The following GPI variants were observed in gnomAD, a reference collection of about 807,000 sequenced individuals.
The protein encoded by GPI is D-hexose-6-phosphate anomerase.
Under a neutral mutation model 75.8 loss-of-function variants are expected in GPI, and 56 were observed. The observed-to-expected ratio is 0.74, with a 90% CI of 0.60 to 0.92. The LOEUF (loss-of-function observed/expected upper bound fraction) is 0.92, where lower values mean the gene tolerates loss of function less well. GPI is among the 40% of genes least tolerant of loss of function. The probability of loss-of-function intolerance (pLI) is 0.00; values close to 1 mark genes in which losing one functional copy is unlikely to be tolerated. For synonymous variants in GPI, 288 were observed against 285.4 expected (o/e 1.01, Z -0.09); for missense variants, 638 against 741.0 (o/e 0.86, Z 1.61).
At position 34,377,340 on chromosome 19, in the gene GPI, T is replaced by A. The variant is rs1378091501; in HGVS notation, c.403-163T>A. Among the ~76,000 whole-genome samples, 130 of 69,858 alleles carry A rather than the reference T, an allele frequency of 1.9e-3. 2 individuals are homozygous for A. The highest frequency in any genetic ancestry group is 2.4e-3 in the Non-Finnish European group (95 of 38,778). The allele number at this position is 69,858 out of a possible 152,430, so 45.8% of individuals were successfully genotyped here. On this transcript the variant is annotated intron_variant, in intron 4 of 17. Transcript: ENST00000356487. ...AAAAAAAAAAAAAAAAAAAAAAATATATATATATATATATATATGGTAAAT... is the reference window on the plus strand; with the variant it reads ...AAAAAAAAAAAAAAAAAAAAAAATAAATATATATATATATATATGGTAAAT...
intron 14 of GPI, chr19:34,397,599 G>A (rs1479026103): frequency 2.0e-5 from 3 of 151,932 alleles, no homozygotes; most frequent in Non-Finnish European, 2.9e-5. Flanking sequence ...TCCTGCCTCG[G>A]CCCCTCAAAT....
rs2074372486 is a variant in GPI, at chr19:34,366,778, C to T, written c.214-5C>T. The T allele has an allele frequency of 3.1e-6, 5 of 1,611,352 alleles. No individual in the cohort carries two copies. The highest frequency in any genetic ancestry group is 1.1e-5 in the South Asian group (1 of 91,020). ...GGACCAGGCCTCAGTATCGTCTCTT[C>T]CTAGGCCAAGTCCAGGGGCGTGGAG... is the stretch of plus-strand genomic sequence containing the variant. On this transcript the variant is annotated splice_region_variant and splice_polypyrimidine_tract_variant and intron_variant, in intron 2 of 17. Transcript: ENST00000356487.
At chr19:34,380,982 A>C (rs1482899975) in intron 8 of GPI, 1 of 276,490 alleles carries the variant, frequency 3.6e-6, no homozygotes, top group East Asian at 9.0e-5. Flanking sequence ...ATGGCTCCTC[A>C]GAGCTTCCTG....
intron 4 of GPI, among the ~76,000 whole-genome samples, chr19:34,374,130 CTTTTTT>C (rs749828679): frequency 7.0e-5 from 8 of 114,132 alleles, no homozygotes; most frequent in East Asian, 3.0e-4. Flanking sequence ...CCATGCCCGC[CTTTTTT>C]TTTTTTTTTT....
chr19:34,363,228 C>A (rs1167655006), upstream of GPI: 2 of 152,204 alleles, frequency 1.3e-5, no homozygotes, highest in Non-Finnish European at 2.9e-5. Flanking sequence ...ATCGCTTGAG[C>A]CTGGGAGGCA....
chr19:34,395,412 G>A (rs935572863), intron 12 of GPI, among the ~76,000 whole-genome samples: 1 of 152,026 alleles, frequency 6.6e-6, no homozygotes, highest in African/African-American at 2.4e-5. Context: ...ATGGTGGTGC[G>A]GCACCTATAG....
At chr19:34,397,471 C>T (rs2074962368) in intron 14 of GPI, 1 of 152,290 alleles carries the variant, frequency 6.6e-6, no homozygotes, top group African/African-American at 2.4e-5. Context: ...TTACCTTCCT[C>T]TTCTACATTT....
At chr19:34,365,011 G>T, upstream of GPI, 1 of 1,533,096 alleles carries the variant, frequency 6.5e-7, no homozygotes. Flanking sequence ...CAAAGCGGCG[G>T]CGCAAGAGGT....
At chr19:34,370,744 A>G (rs1047232809) in intron 4 of GPI, among the ~76,000 whole-genome samples, 3 of 151,824 alleles carry the variant, frequency 2.0e-5, no homozygotes, top group African/African-American at 7.3e-5. Context: ...AAACCAACAA[A>G]AAAACCAACC....
chr19:34,393,481 G>C lies in GPI; in HGVS notation c.865+173G>C, dbSNP rs1209323146. On this transcript the variant is annotated intron_variant, in intron 10 of 17. Coordinates refer to ENST00000356487, the MANE Select transcript of GPI (RefSeq NM_000175.5). The surrounding 1 kb of genome is among the most constrained non-coding windows in gnomAD (Gnocchi z 4.4). ...AGAAGGAAGGTCTGGGTTTTTTTGCGTGTGCAAGTTGGCCCCCGTCTTTGC... is the reference window on the plus strand; with the variant it reads ...AGAAGGAAGGTCTGGGTTTTTTTGCCTGTGCAAGTTGGCCCCCGTCTTTGC... The C allele has an allele frequency of 1.1e-5, 8 of 746,594 alleles. No individual in the cohort carries two copies. The highest frequency in any genetic ancestry group is 3.0e-5 in the South Asian group (2 of 67,596). 46.2% of individuals were successfully genotyped at this position (746,594 alleles called of 1,614,324 possible).
chr19:34,391,338 A>G (rs1236941763), intron 9 of GPI, among the ~76,000 whole-genome samples: 1 of 2,598 alleles, frequency 3.8e-4, no homozygotes, highest in African/African-American at 1.3e-3. Flanking sequence ...TCCATGTCTG[A>G]GGAGTTACCA....
rs1256303501 is a variant in GPI at position 34,401,327 on chromosome 19, C to T, written c.*1291C>T. On this transcript the variant is annotated 3_prime_UTR_variant, in exon 18 of 18. Coordinates refer to ENST00000356487, the MANE Select transcript of GPI (RefSeq NM_000175.5). The stretch of plus-strand genomic sequence containing the variant: ...CCGCCTCCCAGGTTCACGCCATTCT[C>T]CTGCCTCAGACTCCTGTGTAGCTGG... The T allele has an allele frequency of 6.6e-6, 1 of 152,150 alleles. No homozygotes were observed. The highest frequency in any genetic ancestry group is 2.4e-5 in the African/African-American group (1 of 41,408). 9.4% of individuals were successfully genotyped at this position (152,150 alleles called of 1,614,324 possible). A position where few individuals can be genotyped will look rare whatever the true frequency, so the allele number is the denominator to read the frequency against.
At chr19:34,380,761 G>A (rs191430102) in intron 8 of GPI, 1 of 170,492 alleles carries the variant, frequency 5.9e-6, no homozygotes, top group East Asian at 1.5e-4. Context: ...GTCAGAGCTG[G>A]GGACTACACC....
Position 34,401,651 on chromosome 19 carries a change from T to A in GPI, c.*1615T>A, listed in dbSNP as rs2075024091. On this transcript the variant is annotated 3_prime_UTR_variant, in exon 18 of 18. Transcript: ENST00000356487. ...GCCACACCCAGCCTATTCAAAATTT[T>A]TTTTTCTTAGAGACAGGGTCTTTGT... 1 of 152,080 alleles carries A rather than the reference T, an allele frequency of 6.6e-6. No individual in the cohort carries two copies. The highest frequency in any genetic ancestry group is 1.5e-5 in the Non-Finnish European group (1 of 68,068). 9.4% of individuals were successfully genotyped at this position (152,080 alleles called of 1,614,324 possible).
chr19:34,398,677 T>G (rs1424938436), intron 14 of GPI: 1 of 153,012 alleles, frequency 6.5e-6, no homozygotes, highest in African/African-American at 2.4e-5. Context: ...GTTGGTAAAA[T>G]TGTGAGCAGG....
At position 34,394,180 on chromosome 19, in the gene GPI, C is replaced by T. The variant is rs886229136; in HGVS notation, c.1062+114C>T. 6 of 745,430 alleles carry T rather than the reference C, an allele frequency of 8.0e-6. No homozygotes were observed. The African/African-American group carries it at 1.0e-4, about 13-fold the overall frequency. The allele number at this position is 745,430 out of a possible 1,614,324, so 46.2% of individuals were successfully genotyped here. On this transcript the variant is annotated intron_variant, in intron 12 of 17. Coordinates refer to ENST00000356487, the MANE Select transcript of GPI (RefSeq NM_000175.5). ...GCTCTTTGCCCCATTGCCCTTGGGC[C>T]TGGCCAAGGTCCATCTGTGCTCCTT...
chr19:34,391,992 G>T (rs976490254), intron 9 of GPI, among the ~76,000 whole-genome samples: 8 of 13,244 alleles, frequency 6.0e-4, no homozygotes, highest in Non-Finnish European at 9.1e-4. Flanking sequence ...TGTCTGAGGA[G>T]GTAGGATCTG....
intron 9 of GPI, chr19:34,392,194 T>TGGGAACTGGCACAAGTATAAGGATC (rs1402050175): frequency 3.9e-5 from 2 of 50,766 alleles, no homozygotes; most frequent in Non-Finnish European, 8.0e-5. Flanking sequence ...TCTGAGGAGG[T>TGGGAACTGGCACAAGTATAAGGATC]TGGATCTGGC....
At chr19:34,398,199 C>G (rs1243526762) in intron 14 of GPI, 2 of 152,130 alleles carry the variant, frequency 1.3e-5, no homozygotes, top group Non-Finnish European at 1.5e-5. Flanking sequence ...CAGGCACACG[C>G]CACCACACCC....
Sources: gnomAD v4.1 joint callset for allele counts (sites outside exome capture counted in the v4.1 genomes callset) on GRCh38, gnomAD v4.1.1 for gene constraint, Gnocchi (gnomAD v3.1) non-coding constraint, MANE v1.5 for transcripts, NCBI Gene and HGNC (gene_info 2026-07-23, HGNC 2026-07-21) for gene names.